THSD7A: variants seen among roughly 807,000 people sequenced by gnomAD.
THSD7A encodes thrombospondin type 1 domain containing 7A.
A neutral mutation model predicts 231.3 loss-of-function variants in THSD7A; 96 were observed. The ratio of observed to expected loss-of-function variants is 0.41; its 90% CI spans 0.35 to 0.49. The LOEUF (loss-of-function observed/expected upper bound fraction) is 0.49, where lower values mean the gene tolerates loss of function less well. THSD7A is among the 20% of genes least tolerant of loss of function. The pLI, the probability that THSD7A is intolerant of heterozygous loss-of-function variation, is 0.05. For missense variants in THSD7A, 2,290 were observed against 2,070.2 expected (o/e 1.11, Z -2.06); for synonymous variants, 940 against 743.3 (o/e 1.26, Z -4.30).
intron 1 of THSD7A, among the ~76,000 whole-genome samples, chr7:11,779,860 T>G (rs1298183940): frequency 1.3e-5 from 2 of 152,190 alleles, no homozygotes; most frequent in African/African-American, 4.8e-5. Context: ...GTTGGCTAAT[T>G]GTAGTAAAAT....
At chr7:11,521,581 G>A (rs1296287361) in intron 6 of THSD7A, among the ~76,000 whole-genome samples, 4 of 142,274 alleles carry the variant, frequency 2.8e-5, no homozygotes, top group African/African-American at 8.3e-5. Flanking sequence ...ATGCTGGTGC[G>A]CTGCACCCAC....
intron 1 of THSD7A, among the ~76,000 whole-genome samples, chr7:11,780,251 A>C (rs1466552551): frequency 6.6e-6 from 1 of 152,088 alleles, no homozygotes; most frequent in Non-Finnish European, 1.5e-5. Flanking sequence ...ACCTTTTAAT[A>C]CCATCACATT....
rs1173632996 is a variant in THSD7A at position 11,636,798 on chromosome 7, G to A, written c.354C>T (p.His118=). The part of the protein sequence containing the change: ...QQNCFKVCDW[H]KELYDWRLGP... ...CCAGTCTCCAGTCGTACAACTCTTT[G>A]TGCCAATCGCAAACTTTGAAACAAT... The change falls in exon 2 of 28, where the codon CAC becomes CAT. Residue 118 remains histidine, a synonymous_variant. Coordinates refer to ENST00000423059, the MANE Select transcript of THSD7A (RefSeq NM_015204.3). The surrounding 1 kb of genome is among the most constrained non-coding windows in gnomAD (Gnocchi z 10.0). 6.2e-7 allele frequency: 1 copy of A among 1,613,886 alleles called. No individual in the cohort carries two copies. The highest frequency in any genetic ancestry group is 1.7e-5 in the Admixed American group (1 of 60,014).
In THSD7A at chr7:11,628,490, CT is replaced by C. The variant is rs1190374323; in HGVS notation, c.1022+7639del. On this transcript the variant is annotated intron_variant, in intron 2 of 27. Coordinates refer to ENST00000423059, the MANE Select transcript of THSD7A (RefSeq NM_015204.3). Reference sequence around the variant, plus strand: ...GCAGCATTTTCTCTAGGAGGCCATTCTTGATCCTGCCAACCTCCTTCCAGGA... The same window carrying C: ...GCAGCATTTTCTCTAGGAGGCCATTCTGATCCTGCCAACCTCCTTCCAGGA... 2.4e-4 allele frequency among the ~76,000 whole-genome samples: 36 copies of C among 152,312 alleles called. No individual in the cohort carries two copies. The Middle Eastern group carries it at 0.014, about 58-fold the overall frequency.
chr7:11,686,415 T>G (rs1050777138), intron 1 of THSD7A, among the ~76,000 whole-genome samples: 12 of 151,890 alleles, frequency 7.9e-5, no homozygotes, highest in African/African-American at 2.9e-4. Flanking sequence ...TATAATGTTC[T>G]GGAGAAGATT....
intron 6 of THSD7A, among the ~76,000 whole-genome samples, chr7:11,538,069 A>G (rs773007042): frequency 3.0e-4 from 46 of 152,188 alleles, no homozygotes; most frequent in Non-Finnish European, 8.8e-5. Context: ...ATTTACTTCC[A>G]TAAAAGTATG....
At chr7:11,698,126 A>C (rs1325741276) in intron 1 of THSD7A, among the ~76,000 whole-genome samples, 2 of 151,338 alleles carry the variant, frequency 1.3e-5, no homozygotes, top group East Asian at 3.9e-4. Context: ...CCAAAATGGC[A>C]ATTTGTTGAA....
At chr7:11,579,668 A>G (rs1331620518) in intron 4 of THSD7A, among the ~76,000 whole-genome samples, 1 of 152,190 alleles carries the variant, frequency 6.6e-6, no homozygotes, top group African/African-American at 2.4e-5. Context: ...AAATACTAGC[A>G]AAGTATTGTG....
At chr7:11,469,097 A>G (rs1301185229) in intron 9 of THSD7A, among the ~76,000 whole-genome samples, 1 of 152,160 alleles carries the variant, frequency 6.6e-6, no homozygotes, top group Non-Finnish European at 1.5e-5. Flanking sequence ...GTAAGTGTTA[A>G]GAAACATGAA....
chr7:11,408,114 T>G (rs1354354653), intron 19 of THSD7A, among the ~76,000 whole-genome samples: 2 of 152,188 alleles, frequency 1.3e-5, no homozygotes, highest in African/African-American at 2.4e-5. Flanking sequence ...TTGGGTTCCA[T>G]TACTTAAATA....
intron 1 of THSD7A, among the ~76,000 whole-genome samples, chr7:11,788,509 C>A (rs1247981762): frequency 6.6e-6 from 1 of 152,048 alleles, no homozygotes; most frequent in Non-Finnish European, 1.5e-5. Flanking sequence ...TTCCTTTCAG[C>A]TGCTACACAA....
At chr7:11,539,862 C>T (rs1413775540) in intron 6 of THSD7A, among the ~76,000 whole-genome samples, 1 of 152,262 alleles carries the variant, frequency 6.6e-6, no homozygotes, top group African/African-American at 2.4e-5. Flanking sequence ...TTCACAATAC[C>T]TGAGACCCTA....
chr7:11,396,610 A>G (rs1011164269), intron 23 of THSD7A, among the ~76,000 whole-genome samples: 2 of 152,188 alleles, frequency 1.3e-5, no homozygotes, highest in Non-Finnish European at 2.9e-5. Flanking sequence ...GAGACCAATA[A>G]CAAGTTCTAA....
intron 1 of THSD7A, among the ~76,000 whole-genome samples, chr7:11,733,724 G>A (rs1182364616): frequency 6.6e-6 from 1 of 151,824 alleles, no homozygotes; most frequent in Non-Finnish European, 1.5e-5. Flanking sequence ...GAACAATTAA[G>A]AATAGATAGC....
In THSD7A at chr7:11,376,608, C is replaced by A; in HGVS notation, c.4851G>T (p.Val1617=). 1.3e-6 allele frequency: 2 copies of A among 1,588,722 alleles called. No individual in the cohort carries two copies. Among genetic ancestry groups the A allele is most frequent in the Non-Finnish European group, 1.7e-6 (2 of 1,166,812 alleles). ...TCATGGAGACAATAAAGATGAGTAA[C>A]ACAAATGCCCCAGCTGCTACACCGT... ...WVYGVAAGAF[V]LLIFIVSMIY... is the part of the protein sequence containing the mutation. The change falls in exon 27 of 28, where the codon GTG becomes GTT. Residue 1617 remains valine (V), a synonymous_variant. Transcript: ENST00000423059.
rs1781676564 is a variant in THSD7A at position 11,632,072 on chromosome 7, T to G, written c.1022+4058A>C. 6.6e-6 allele frequency among the ~76,000 whole-genome samples: 1 copy of G among 152,152 alleles called. No homozygotes were observed. The highest frequency in any genetic ancestry group is 2.4e-5 in the African/African-American group (1 of 41,432). ...GCCTAATCTGTTTGTATAAATATAA[T>G]TTATTATATTACTTGTTATCGTTAT... is the stretch of plus-strand genomic sequence containing the variant. On this transcript the variant is annotated intron_variant, in intron 2 of 27. Coordinates refer to ENST00000423059, the MANE Select transcript of THSD7A (RefSeq NM_015204.3). The surrounding 1 kb of genome is among the most constrained non-coding windows in gnomAD (Gnocchi z 4.1).
At chr7:11,739,081 A>C (rs1782016820) in intron 1 of THSD7A, among the ~76,000 whole-genome samples, 1 of 152,074 alleles carries the variant, frequency 6.6e-6, no homozygotes, top group East Asian at 1.9e-4. Context: ...TCGGTGGCCC[A>C]AGTAACAAAT....
chr7:11,417,782 G>A (rs1393529239), intron 16 of THSD7A, among the ~76,000 whole-genome samples, 179 bp from the exon 17 acceptor site: 2 of 152,128 alleles, frequency 1.3e-5, no homozygotes, highest in East Asian at 1.9e-4. Context: ...AGACTTAAAA[G>A]GATCTTTGCC....
chr7:11,563,108 T>A (rs1790143838), intron 4 of THSD7A, among the ~76,000 whole-genome samples: 1 of 152,192 alleles, frequency 6.6e-6, no homozygotes, highest in African/African-American at 2.4e-5. Context: ...TTGGAGATGT[T>A]CCTGTACTAA....
Sources: gnomAD v4.1 joint callset for allele counts (sites outside exome capture counted in the v4.1 genomes callset) on GRCh38, gnomAD v4.1.1 for gene constraint, Gnocchi (gnomAD v3.1) non-coding constraint, MANE v1.5 for transcripts, NCBI Gene and HGNC (gene_info 2026-07-23, HGNC 2026-07-21) for gene names.